Variants in PPP1R9A observed in about 807,000 individuals in gnomAD.
The protein encoded by PPP1R9A is protein phosphatase 1 regulatory subunit 9A, also known as neurabin-1.
In PPP1R9A, 59 loss-of-function variants were observed where a neutral mutation model predicts 141.9. That is an observed-to-expected ratio of 0.42 (90% CI 0.34 to 0.52). PPP1R9A has a LOEUF of 0.52. Ranked by LOEUF, PPP1R9A falls within the 20% of genes least tolerant of loss-of-function variation. The pLI is 0.10. For missense variants in PPP1R9A, 1,444 were observed against 1,611.9 expected (o/e 0.90, Z 1.78); for synonymous variants, 500 against 569.7 (o/e 0.88, Z 1.74).
At chr7:95,094,381 A>G (rs1376898385) in intron 2 of PPP1R9A, among the ~76,000 whole-genome samples, 1 of 152,208 alleles carries the variant, frequency 6.6e-6, no homozygotes, top group Admixed American at 6.5e-5. Context: ...GAAATGTAAA[A>G]TCATTCGTAA....
chr7:94,959,643 C>G (rs1797402752), intron 2 of PPP1R9A, among the ~76,000 whole-genome samples: 1 of 151,566 alleles, frequency 6.6e-6, no homozygotes. Context: ...TATGTCAATA[C>G]TATGTTTAGT....
chr7:95,150,442 A>G (rs1828451582), intron 4 of PPP1R9A, among the ~76,000 whole-genome samples: 1 of 152,106 alleles, frequency 6.6e-6, no homozygotes, highest in Admixed American at 6.5e-5. Flanking sequence ...AGCTGGGATT[A>G]TAGGAGTGTG....
At chr7:95,152,302 A>C (rs1363988978) in intron 4 of PPP1R9A, among the ~76,000 whole-genome samples, 1 of 152,184 alleles carries the variant, frequency 6.6e-6, no homozygotes, top group Non-Finnish European at 1.5e-5. Flanking sequence ...TAATAAGAGA[A>C]TGCTAAATAA....
intron 2 of PPP1R9A, among the ~76,000 whole-genome samples, chr7:94,986,668 C>G (rs1403549027): frequency 6.6e-6 from 1 of 152,112 alleles, no homozygotes. Context: ...TCTTAATTAT[C>G]CAGATTTAAT....
chr7:94,978,165 A>G (rs751322272), intron 2 of PPP1R9A, among the ~76,000 whole-genome samples: 6 of 152,158 alleles, frequency 3.9e-5, no homozygotes, highest in Non-Finnish European at 8.8e-5. Flanking sequence ...ACGTTGAGGG[A>G]TAGGGAATGG....
intron 4 of PPP1R9A, among the ~76,000 whole-genome samples, chr7:95,138,206 A>T (rs1179243024): frequency 6.6e-6 from 1 of 152,174 alleles, no homozygotes; most frequent in East Asian, 1.9e-4. Flanking sequence ...TGCTGGGATT[A>T]CAGGCATGAG....
In PPP1R9A at chr7:95,295,764, C is replaced by T. The variant is rs1224926870; in HGVS notation, c.*5461C>T. ...CAATTGGCAAGAAATAATTAAATTA[C>T]CTTAAAAAGAATTAAGAGGCACTCC... On this transcript the variant is annotated 3_prime_UTR_variant, in exon 20 of 20. Coordinates refer to ENST00000433360, the MANE Select transcript of PPP1R9A (RefSeq NM_001166160.2). The T allele has an allele frequency of 6.6e-6, 1 of 152,258 alleles. No individual in the cohort carries two copies. The highest frequency in any genetic ancestry group is 6.5e-5 in the Admixed American group (1 of 15,272). The allele number at this position is 152,258 out of a possible 1,614,324, so 9.4% of individuals were successfully genotyped here.
At chr7:94,998,264 A>G (rs1350406287) in intron 2 of PPP1R9A, among the ~76,000 whole-genome samples, 1 of 152,158 alleles carries the variant, frequency 6.6e-6, no homozygotes, top group East Asian at 1.9e-4. Flanking sequence ...AATTAGGTTT[A>G]TAGCTCTGTT....
intron 3 of PPP1R9A, among the ~76,000 whole-genome samples, chr7:95,117,370 C>T (rs943750001): frequency 6.6e-6 from 1 of 152,130 alleles, no homozygotes; most frequent in Non-Finnish European, 1.5e-5. Context: ...TGCTGGAGAA[C>T]ATCAGTCTTC....
At chr7:94,936,682 G>A (rs1182859570) in intron 2 of PPP1R9A, among the ~76,000 whole-genome samples, 1 of 143,452 alleles carries the variant, frequency 7.0e-6, no homozygotes, top group East Asian at 2.1e-4. Flanking sequence ...GTGTGTGTGT[G>A]TTTGTGTATA....
intron 7 of PPP1R9A, among the ~76,000 whole-genome samples, chr7:95,218,575 G>A (rs2152934805): frequency 6.6e-6 from 1 of 152,240 alleles, no homozygotes; most frequent in East Asian, 1.9e-4. Context: ...GGGTGTTAAA[G>A]TCTCCCATTA....
chr7:94,941,980 A>G (rs1045532663), intron 2 of PPP1R9A, among the ~76,000 whole-genome samples: 2 of 152,082 alleles, frequency 1.3e-5, no homozygotes, highest in African/African-American at 4.8e-5. Context: ...AATTTCTGGC[A>G]CATATGGTTT....
At chr7:94,944,491 C>T (rs973664073) in intron 2 of PPP1R9A, among the ~76,000 whole-genome samples, 9 of 132,116 alleles carry the variant, frequency 6.8e-5, no homozygotes, top group Non-Finnish European at 1.1e-4. Context: ...CTATCTATGC[C>T]TGGGAAGTGA....
At chr7:94,939,985 T>C (rs1000031898) in intron 2 of PPP1R9A, among the ~76,000 whole-genome samples, 5 of 152,026 alleles carry the variant, frequency 3.3e-5, no homozygotes, top group Non-Finnish European at 1.5e-5. Flanking sequence ...CATTCACTTC[T>C]ATGACCAGCA....
At chr7:95,183,448 CTT>C (rs766642929) in intron 5 of PPP1R9A, among the ~76,000 whole-genome samples, 18 of 102,994 alleles carry the variant, frequency 1.7e-4, no homozygotes, top group African/African-American at 5.4e-4. Context: ...CAAAAATATT[CTT>C]TTTTTTTTTT....
At chr7:95,031,335 A>G (rs966750344) in intron 2 of PPP1R9A, among the ~76,000 whole-genome samples, 1 of 152,206 alleles carries the variant, frequency 6.6e-6, no homozygotes, top group Non-Finnish European at 1.5e-5. Context: ...TCTAATAAGT[A>G]AAAATATAAG....
At chr7:95,121,479 A>G (rs747985531) in intron 4 of PPP1R9A, among the ~76,000 whole-genome samples, 1 of 150,008 alleles carries the variant, frequency 6.7e-6, no homozygotes, top group African/African-American at 2.5e-5. Context: ...CTATCTATCT[A>G]TCTATCTATC....
At chr7:95,130,531 A>C (rs1442450523) in intron 4 of PPP1R9A, among the ~76,000 whole-genome samples, 1 of 152,160 alleles carries the variant, frequency 6.6e-6, no homozygotes, top group Non-Finnish European at 1.5e-5. Context: ...CTACTGGGGC[A>C]CTGCCTAGTG....
chr7:95,198,525 A>G, intron 6 of PPP1R9A, 41 bp downstream of exon 6: 2 of 1,507,710 alleles, frequency 1.3e-6, no homozygotes, highest in East Asian at 4.7e-5. Flanking sequence ...CACATTTTCT[A>G]ATTCATGAAA....
Sources: gnomAD v4.1 joint callset for allele counts (sites outside exome capture counted in the v4.1 genomes callset) on GRCh38, gnomAD v4.1.1 for gene constraint, MANE v1.5 for transcripts, NCBI Gene and HGNC (gene_info 2026-07-23, HGNC 2026-07-21) for gene names.